RIMS1: variants seen among roughly 807,000 people sequenced by gnomAD.
The protein encoded by RIMS1 is regulating synaptic membrane exocytosis 1.
A neutral mutation model predicts 214.1 loss-of-function variants in RIMS1; 83 were observed. That is an observed-to-expected ratio of 0.39 (90% CI 0.32 to 0.47). The LOEUF (loss-of-function observed/expected upper bound fraction) is 0.47. Ranked by LOEUF, RIMS1 falls within the 20% of genes least tolerant of loss-of-function variation. The probability of loss-of-function intolerance (pLI) is 0.99; values close to 1 mark genes in which losing one functional copy is unlikely to be tolerated. For missense variants in RIMS1, 2,050 were observed against 2,161.8 expected (o/e 0.95, Z 1.03); for synonymous variants, 793 against 786.8 (o/e 1.01, Z -0.13).
chr6:72,010,064 C>G (rs1231862111), intron 2 of RIMS1, among the ~76,000 whole-genome samples: 2 of 152,060 alleles, frequency 1.3e-5, no homozygotes. Context: ...TGATGAACAT[C>G]GATGCAAAAA....
chr6:71,944,353 C>T (rs536194415), intron 1 of RIMS1, among the ~76,000 whole-genome samples: 2 of 152,138 alleles, frequency 1.3e-5, no homozygotes, highest in Non-Finnish European at 2.9e-5. Context: ...AGAAGAGGCA[C>T]CCCTTTCTCT....
chr6:72,133,413 A>G (rs1342578332), intron 4 of RIMS1, among the ~76,000 whole-genome samples: 1 of 152,108 alleles, frequency 6.6e-6, no homozygotes, highest in Non-Finnish European at 1.5e-5. Flanking sequence ...GAATCTTACA[A>G]CTTCAGAGGA....
At chr6:72,323,297 G>A (rs1883821) in intron 28 of RIMS1, among the ~76,000 whole-genome samples, 51,453 of 151,630 alleles carry the variant, frequency 0.34, 9,073 homozygotes, top group Non-Finnish European at 0.38. Context: ...TTAACAACGA[G>A]AAAAAGGACT....
At chr6:72,162,398 A>G (rs1172768616) in intron 4 of RIMS1, among the ~76,000 whole-genome samples, 3 of 140,612 alleles carry the variant, frequency 2.1e-5, no homozygotes, top group Non-Finnish European at 4.8e-5. Context: ...TTTAAGGTTA[A>G]TATTGTTATG....
chr6:72,369,596 T>C (rs1486104381), intron 29 of RIMS1, among the ~76,000 whole-genome samples: 3 of 152,190 alleles, frequency 2.0e-5, no homozygotes, highest in Non-Finnish European at 4.4e-5. Context: ...CTTAAGGGCT[T>C]TCCACTGATT....
At chr6:72,085,425 G>C (rs1011198153) in intron 2 of RIMS1, among the ~76,000 whole-genome samples, 1 of 152,100 alleles carries the variant, frequency 6.6e-6, no homozygotes, top group African/African-American at 2.4e-5. Flanking sequence ...AAAATTGTAA[G>C]TTTTAAACAG....
chr6:72,345,890 A>G (rs944685460), intron 29 of RIMS1, among the ~76,000 whole-genome samples: 1 of 151,778 alleles, frequency 6.6e-6, no homozygotes, highest in Non-Finnish European at 1.5e-5. Flanking sequence ...ACATTTGCCA[A>G]TTCTGGCAGT....
chr6:71,905,534 A>G (rs1775007604), intron 1 of RIMS1, among the ~76,000 whole-genome samples: 1 of 152,144 alleles, frequency 6.6e-6, no homozygotes, highest in Non-Finnish European at 1.5e-5. Context: ...GCTGAGCACT[A>G]ATTTCAGAAA....
At chr6:72,008,557 G>A (rs1808821954) in intron 2 of RIMS1, among the ~76,000 whole-genome samples, 1 of 152,178 alleles carries the variant, frequency 6.6e-6, no homozygotes, top group African/African-American at 2.4e-5. Context: ...AGACCCATCA[G>A]TGTGCTCTAT....
intron 1 of RIMS1, among the ~76,000 whole-genome samples, chr6:71,921,787 A>G (rs747785214): frequency 1.3e-5 from 2 of 152,092 alleles, no homozygotes; most frequent in Non-Finnish European, 2.9e-5. Context: ...CCATAAAGAA[A>G]CCTATTTTTG....
At chr6:72,318,035 A>C (rs2095908414) in intron 28 of RIMS1, among the ~76,000 whole-genome samples, 1 of 152,136 alleles carries the variant, frequency 6.6e-6, no homozygotes, top group African/African-American at 2.4e-5. Context: ...ACATGATAAC[A>C]CAAGCTATTT....
intron 2 of RIMS1, among the ~76,000 whole-genome samples, chr6:71,988,535 T>C (rs1362776819): frequency 6.6e-6 from 1 of 152,146 alleles, no homozygotes; most frequent in Non-Finnish European, 1.5e-5. Flanking sequence ...TAATAATATA[T>C]ATACAAAACG....
intron 30 of RIMS1, 58 bp from the exon 31 acceptor site, chr6:72,392,637 GAAA>G: frequency 8.6e-7 from 1 of 1,161,446 alleles, no homozygotes; most frequent in South Asian, 1.2e-5. Flanking sequence ...GGAAACTAGT[GAAA>G]AGAATTCTAG....
At chr6:72,077,123 C>A (rs924788941) in intron 2 of RIMS1, among the ~76,000 whole-genome samples, 4 of 152,192 alleles carry the variant, frequency 2.6e-5, no homozygotes, top group Non-Finnish European at 5.9e-5. Flanking sequence ...CTCTTCCCCA[C>A]ATGAGTGGAA....
At chr6:72,252,711 TC>T (rs2154139507) in intron 15 of RIMS1, 49 bp from the exon 16 acceptor site, 1 of 1,505,320 alleles carries the variant, frequency 6.6e-7, no homozygotes, top group East Asian at 2.5e-5. Flanking sequence ...TCTTTACGTT[TC>T]ATAAACCAAC....
At chr6:71,915,683 C>G (rs1331141709) in intron 1 of RIMS1, among the ~76,000 whole-genome samples, 1 of 152,074 alleles carries the variant, frequency 6.6e-6, no homozygotes, top group Non-Finnish European at 1.5e-5. Context: ...ATTTATAACT[C>G]ATGTTATATA....
At chr6:72,216,368 C>G in intron 6 of RIMS1, 2 of 836,638 alleles carry the variant, frequency 2.4e-6, no homozygotes, top group Non-Finnish European at 2.9e-6. Flanking sequence ...CCCCAGCTCT[C>G]TGGCAAAACC....
chr6:72,137,783 C>G (rs548678256), intron 4 of RIMS1, among the ~76,000 whole-genome samples: 1 of 145,084 alleles, frequency 6.9e-6, no homozygotes, highest in African/African-American at 2.6e-5. Context: ...GTCGCCCAGG[C>G]TGGAGTGCAG....
intron 6 of RIMS1, among the ~76,000 whole-genome samples, chr6:72,183,777 A>G (rs1303698332): frequency 6.6e-6 from 1 of 152,176 alleles, no homozygotes; most frequent in East Asian, 1.9e-4. Context: ...TTTTAATAAA[A>G]TAAGAAAAAG....
Sources: allele counts gnomAD v4.1 joint callset (sites outside exome capture counted in the v4.1 genomes callset), GRCh38; gene constraint gnomAD v4.1.1; transcripts MANE v1.5; gene names NCBI Gene and HGNC (gene_info 2026-07-23, HGNC 2026-07-21).